The following FAM177B variants were observed in gnomAD, a reference collection of about 807,000 sequenced individuals.
FAM177B encodes family with sequence similarity 177 member B, also known as protein FAM177B.
Under a neutral mutation model 16.1 loss-of-function variants are expected in FAM177B, and 16 were observed. That is an observed-to-expected ratio of 0.99 (90% CI 0.67 to 1.51). The LOEUF (loss-of-function observed/expected upper bound fraction) is 1.51, where lower values mean the gene tolerates loss of function less well. FAM177B is among the 40% of genes most tolerant of loss of function. The pLI is 0.00. For synonymous variants in FAM177B, 56 were observed against 59.9 expected, an observed-to-expected ratio of 0.93 and a Z score of 0.30; for missense variants, 178 against 183.7, an observed-to-expected ratio of 0.97 and a Z score of 0.18.
chr1:222,744,490 G>C lies in FAM177B; in HGVS notation c.-15-2041G>C, dbSNP rs962523907. Reference sequence around the variant, plus strand: ...TCCATCTCAAAAAAAAAAAAAAAAAGGCAAAAATACATGTGTACGTATCCT... The same window carrying C: ...TCCATCTCAAAAAAAAAAAAAAAAACGCAAAAATACATGTGTACGTATCCT... On this transcript the variant is annotated intron_variant, in intron 2 of 5. Coordinates refer to ENST00000445590, the MANE Select transcript of FAM177B (RefSeq NM_001394345.1). Among the ~76,000 whole-genome samples, 74 of 145,720 alleles carry C rather than the reference G, an allele frequency of 5.1e-4. 1 individual carries two copies. The highest frequency in any genetic ancestry group is 7.5e-5 in the Non-Finnish European group (5 of 66,420).
At chr1:222,741,533 AT>A (rs72331510) in intron 2 of FAM177B, among the ~76,000 whole-genome samples, 205 of 142,748 alleles carry the variant, frequency 1.4e-3, no homozygotes, top group African/African-American at 1.3e-3. Context: ...TGAATTCTCT[AT>A]TTTTTTTTTT....
chr1:222,749,785 T>C (rs1572014113), intron 5 of FAM177B, 136 bp from the exon 6 acceptor site: 4 of 959,652 alleles, frequency 4.2e-6, no homozygotes, highest in Non-Finnish European at 6.6e-6. Flanking sequence ...AGCTGTGTTG[T>C]AGAAGAAGGT....
At chr1:222,749,258 A>G (rs946138227) in intron 4 of FAM177B, 2 of 530,018 alleles carry the variant, frequency 3.8e-6, no homozygotes, top group African/African-American at 3.8e-5. Context: ...AATCCCATAT[A>G]AAGATAGAAG....
At chr1:222,740,898 A>G (rs931647977) in intron 2 of FAM177B, among the ~76,000 whole-genome samples, 2 of 151,762 alleles carry the variant, frequency 1.3e-5, no homozygotes, top group Non-Finnish European at 2.9e-5. Flanking sequence ...ACGGGGTTTC[A>G]CCGTGTTAGC....
At chr1:222,744,053 C>A (rs1472624746) in intron 2 of FAM177B, among the ~76,000 whole-genome samples, 1 of 152,072 alleles carries the variant, frequency 6.6e-6, no homozygotes, top group African/African-American at 2.4e-5. Context: ...CCTTAGTGTA[C>A]TTATGATTTA....
In FAM177B at chr1:222,746,689, G is replaced by C; in HGVS notation, c.144G>C (p.Glu48Asp). Residue 48 changes from glutamate (E) to aspartate (D), a missense_variant, in exon 3 of 6, where the codon GAG (glutamate) becomes GAC (aspartate). Transcript: ENST00000445590. ...STEEEEEEEK[E>D]EQSTNSTLDP... The stretch of plus-strand genomic sequence containing the variant: ...AGGAGGAGGAGGAAGAGGAAAAGGA[G>C]GAGCAGAGCACAAATTCAACACTTG... 2 of 1,613,358 alleles carry C rather than the reference G, an allele frequency of 1.2e-6. No homozygotes were observed. The highest frequency in any genetic ancestry group is 1.7e-6 in the Non-Finnish European group (2 of 1,179,544).
chr1:222,749,392 C>G, intron 4 of FAM177B, 73 bp from the exon 5 acceptor site: 1 of 814,872 alleles, frequency 1.2e-6, no homozygotes, highest in Non-Finnish European at 2.1e-6. Flanking sequence ...ATAGTTTAAA[C>G]TCTGGGCATC....
chr1:222,745,429 T>A (rs1658746339), intron 2 of FAM177B, among the ~76,000 whole-genome samples: 1 of 151,984 alleles, frequency 6.6e-6, no homozygotes, highest in Admixed American at 6.6e-5. Flanking sequence ...CTAGGTAACA[T>A]AGTGAGACCC....
At chr1:222,747,156 C>A in intron 4 of FAM177B, 75 bp downstream of exon 4, 1 of 1,006,880 alleles carries the variant, frequency 9.9e-7, no homozygotes, top group Non-Finnish European at 1.6e-6. Flanking sequence ...GTATGTGGGA[C>A]TTCCAATTGT....
rs1658318199 is a variant in FAM177B, at chr1:222,737,252, C to T, written c.-204C>T. On this transcript the variant is annotated 5_prime_UTR_variant, in exon 1 of 6. Coordinates refer to ENST00000445590, the MANE Select transcript of FAM177B (RefSeq NM_001394345.1). The stretch of plus-strand genomic sequence containing the variant: ...TGAACATAACAGGTAAAACCCTCCC[C>T]CTCTGCCAAGGGGCAGGACAGGGAG... 1 of 152,354 alleles carries T rather than the reference C, an allele frequency of 6.6e-6. No homozygotes were observed. The highest frequency in any genetic ancestry group is 1.5e-5 in the Non-Finnish European group (1 of 68,138). The allele number at this position is 152,354 out of a possible 1,614,324, so 9.4% of individuals were successfully genotyped here.
At position 222,746,996 on chromosome 1, in the gene FAM177B, C is replaced by A; in HGVS notation, c.175-19C>A. On this transcript the variant is annotated intron_variant, in intron 3 of 5. Coordinates refer to ENST00000445590, the MANE Select transcript of FAM177B (RefSeq NM_001394345.1). Reference sequence around the variant, plus strand: ...ATTCCTCTTATTAACTACTCTATCTCAATTTCTCCTTTTTTCAGTCTAAAC... The same window carrying A: ...ATTCCTCTTATTAACTACTCTATCTAAATTTCTCCTTTTTTCAGTCTAAAC... 1.3e-6 allele frequency: 2 copies of A among 1,564,596 alleles called. No individual in the cohort carries two copies. Among genetic ancestry groups the A allele is most frequent in the Non-Finnish European group, 1.8e-6 (2 of 1,135,026 alleles).
Position 222,750,650 on chromosome 1 carries a change from T to G in FAM177B, c.*592T>G, listed in dbSNP as rs74145544. 2,375 of 644,362 alleles carry G rather than the reference T, an allele frequency of 3.7e-3. 45 individuals are homozygous for G. The African/African-American group carries it at 0.043, about 12-fold the overall frequency. 39.9% of individuals were successfully genotyped at this position (644,362 alleles called of 1,614,324 possible). A position where few individuals can be genotyped will look rare whatever the true frequency, so the allele number is the denominator to read the frequency against. On this transcript the variant is annotated 3_prime_UTR_variant, in exon 6 of 6. Transcript: ENST00000445590. ...CCAAATTAAAACAATTGATAAATAA[T>G]ATAAGCTCTAGAAAAAAATATTAAT...
chr1:222,750,438 GC>G lies in FAM177B; in HGVS notation c.*381del. The G allele has an allele frequency of 1.0e-6, 1 of 1,001,992 alleles. No individual in the cohort carries two copies. The highest frequency in any genetic ancestry group is 5.8e-5 in the Admixed American group (1 of 17,156). 62.1% of individuals were successfully genotyped at this position (1,001,992 alleles called of 1,614,324 possible). ...CATGGGACGAGGGTACAGTAAAGAAGCTCTATTCCTCAGAAGAAAATTTGGG... is the reference window on the plus strand; with the variant it reads ...CATGGGACGAGGGTACAGTAAAGAAGTCTATTCCTCAGAAGAAAATTTGGG... On this transcript the variant is annotated 3_prime_UTR_variant, in exon 6 of 6. Coordinates refer to ENST00000445590, the MANE Select transcript of FAM177B (RefSeq NM_001394345.1).
chr1:222,737,823 T>G (rs967068291), intron 1 of FAM177B, 81 bp from the exon 2 acceptor site: 1 of 151,458 alleles, frequency 6.6e-6, no homozygotes, highest in Non-Finnish European at 1.5e-5. Flanking sequence ...ACGGCAAGGG[T>G]GAGAGATGAT....
chr1:222,743,948 C>T (rs764636023), intron 2 of FAM177B, among the ~76,000 whole-genome samples: 7 of 152,212 alleles, frequency 4.6e-5, no homozygotes, highest in South Asian at 2.1e-4. Context: ...TTTGTTCTTT[C>T]TCTTATTCTG....
At chr1:222,739,037 G>C (rs75416673) in intron 2 of FAM177B, among the ~76,000 whole-genome samples, 2,028 of 152,240 alleles carry the variant, frequency 0.013, 44 homozygotes, top group African/African-American at 0.047. Flanking sequence ...ACGAAGACTG[G>C]TATTTTCTTC....
intron 2 of FAM177B, among the ~76,000 whole-genome samples, chr1:222,738,915 A>G (rs1410284082): frequency 6.6e-6 from 1 of 152,042 alleles, no homozygotes; most frequent in Non-Finnish European, 1.5e-5. Flanking sequence ...GCTAGTGCTC[A>G]CTCTTGTGCT....
At chr1:222,749,372 T>A (rs2125066309) in intron 4 of FAM177B, 93 bp from the exon 5 acceptor site, 2 of 692,470 alleles carry the variant, frequency 2.9e-6, no homozygotes, top group East Asian at 5.2e-5. Context: ...ACTATTACTA[T>A]ACTATCAGAA....
rs536873884 is a variant in FAM177B at position 222,748,153 on chromosome 1, T to A, written c.241+1072T>A. ...AGTGCTTTTACACAAGTGCAGAGGG[T>A]TAGTGATTTGGAAGTTACGTTGAAA... On this transcript the variant is annotated intron_variant, in intron 4 of 5. Transcript: ENST00000445590. Among the ~76,000 whole-genome samples the A allele has an allele frequency of 1.3e-4, 20 of 152,212 alleles. No homozygotes were observed. In the South Asian group the frequency reaches 4.2e-3, roughly 32 times the overall value.
Sources: gnomAD v4.1 joint callset for allele counts (sites outside exome capture counted in the v4.1 genomes callset) on GRCh38, gnomAD v4.1.1 for gene constraint, MANE v1.5 for transcripts, NCBI Gene and HGNC (gene_info 2026-07-23, HGNC 2026-07-21) for gene names.